The following DAPK1 variants were observed in gnomAD, a reference collection of about 807,000 sequenced individuals.
DAPK1 encodes death-associated protein kinase 1.
DAPK1 carries 56 observed loss-of-function variants against 144.9 expected under a neutral mutation model. That is an observed-to-expected ratio of 0.39 (90% confidence interval 0.31 to 0.48). DAPK1 has a LOEUF of 0.48. Among genes scored for constraint, DAPK1 ranks in the 20% least tolerant of loss-of-function variants. The pLI is 0.95. For synonymous variants in DAPK1, 690 were observed against 749.0 expected (o/e 0.92, Z 1.29); for missense variants, 1,454 against 1,875.4 (o/e 0.78, Z 4.15).
At chr9:87,606,675 T>C (rs1587763032) in intron 3 of DAPK1, among the ~76,000 whole-genome samples, 2 of 89,208 alleles carry the variant, frequency 2.2e-5, no homozygotes, top group African/African-American at 4.3e-5. Flanking sequence ...TCCCTCTCTC[T>C]CCCTGTCCCT....
chr9:87,519,581 C>T lies in DAPK1; in HGVS notation c.62+20442C>T, dbSNP rs968562738. On this transcript the variant is annotated intron_variant, in intron 2 of 25. Coordinates refer to ENST00000408954, the MANE Select transcript of DAPK1 (RefSeq NM_004938.4). Reference sequence around the variant, plus strand: ...GGGCTGTCACGTGACCAGTGGCCCGCTCTGTCTGCTGCCCAGTACTGCCAA... The same window carrying T: ...GGGCTGTCACGTGACCAGTGGCCCGTTCTGTCTGCTGCCCAGTACTGCCAA... 3.9e-5 allele frequency among the ~76,000 whole-genome samples: 6 copies of T among 152,292 alleles called. No individual in the cohort carries two copies. In the South Asian group the frequency reaches 1.2e-3, roughly 32 times the overall value.
At chr9:87,610,029 G>C (rs1365888294) in intron 3 of DAPK1, among the ~76,000 whole-genome samples, 1 of 152,252 alleles carries the variant, frequency 6.6e-6, no homozygotes, top group East Asian at 1.9e-4. Flanking sequence ...GACCCAAAAA[G>C]GTATCTTTGC....
intron 19 of DAPK1, among the ~76,000 whole-genome samples, chr9:87,678,733 A>AG (rs1039800653): frequency 2.0e-5 from 3 of 152,186 alleles, no homozygotes; most frequent in African/African-American, 7.2e-5. Context: ...CAGGGGACCC[A>AG]GGAGAATTCT....
chr9:87,604,275 T>G (rs1157008271), intron 2 of DAPK1, among the ~76,000 whole-genome samples: 2 of 151,904 alleles, frequency 1.3e-5, no homozygotes, highest in Non-Finnish European at 2.9e-5. Flanking sequence ...GAGAATGGAG[T>G]GGACTGATTG....
intron 2 of DAPK1, among the ~76,000 whole-genome samples, chr9:87,556,443 T>C (rs541154812): frequency 1.3e-5 from 2 of 152,376 alleles, no homozygotes; most frequent in Admixed American, 1.3e-4. Context: ...TTCCTTTTGC[T>C]GTCTTTGAAT....
At chr9:87,667,334 G>A (rs10115182) in intron 18 of DAPK1, among the ~76,000 whole-genome samples, 10,419 of 152,184 alleles carry the variant, frequency 0.068, 1,103 homozygotes, top group African/African-American at 0.23. Context: ...GGCTTCAACC[G>A]GCAGCCTAAG....
intron 3 of DAPK1, among the ~76,000 whole-genome samples, chr9:87,606,210 C>T (rs371448548): frequency 6.6e-6 from 1 of 152,146 alleles, no homozygotes; most frequent in Admixed American, 6.5e-5. Context: ...CAGGCCAGCT[C>T]CCAGGCGCCA....
rs185876788 is a variant in DAPK1 at position 87,514,468 on chromosome 9, G to A, written c.62+15329G>A. 1.9e-4 allele frequency among the ~76,000 whole-genome samples: 29 copies of A among 152,304 alleles called. No individual in the cohort carries two copies. The East Asian group carries it at 5.6e-3, about 29-fold the overall frequency. Reference sequence around the variant, plus strand: ...TCACTTTTCCCTCTCCATTCAAATAGCCACTGCAATTCCATACCTATTTGT... The same window carrying A: ...TCACTTTTCCCTCTCCATTCAAATAACCACTGCAATTCCATACCTATTTGT... On this transcript the variant is annotated intron_variant, in intron 2 of 25. Transcript: ENST00000408954.
At chr9:87,692,241 CT>C (rs33982268) in intron 21 of DAPK1, among the ~76,000 whole-genome samples, 44,489 of 147,972 alleles carry the variant, frequency 0.3, 8,189 homozygotes, top group East Asian at 0.58. Flanking sequence ...TAATGACCTT[CT>C]TTTTTTTTTT....
chr9:87,530,206 C>A (rs953402765), intron 2 of DAPK1, among the ~76,000 whole-genome samples: 2 of 152,088 alleles, frequency 1.3e-5, no homozygotes, highest in Non-Finnish European at 2.9e-5. Flanking sequence ...CACTATTTTC[C>A]AGAATGTGAG....
At chr9:87,522,316 G>T (rs1825328589) in intron 2 of DAPK1, among the ~76,000 whole-genome samples, 1 of 152,304 alleles carries the variant, frequency 6.6e-6, no homozygotes, top group Middle Eastern at 3.4e-3. Flanking sequence ...CCAGTGACTA[G>T]TTCCTTCTAG....
At chr9:87,569,565 G>T (rs573531389) in intron 2 of DAPK1, among the ~76,000 whole-genome samples, 1 of 152,284 alleles carries the variant, frequency 6.6e-6, no homozygotes, top group East Asian at 1.9e-4. Context: ...GTCAGTTTAG[G>T]CTCAAAACGT....
At chr9:87,678,541 A>G (rs1824491061) in intron 19 of DAPK1, among the ~76,000 whole-genome samples, 1 of 152,242 alleles carries the variant, frequency 6.6e-6, no homozygotes, top group Non-Finnish European at 1.5e-5. Context: ...GATAAAAGGA[A>G]AAAAGCAAAG....
At chr9:87,695,711 T>G (rs908698129) in intron 21 of DAPK1, among the ~76,000 whole-genome samples, 3 of 152,184 alleles carry the variant, frequency 2.0e-5, no homozygotes, top group African/African-American at 7.2e-5. Flanking sequence ...GCTTCTTGCT[T>G]CTTCTGAGCA....
intron 2 of DAPK1, among the ~76,000 whole-genome samples, chr9:87,566,161 C>T (rs1827114860): frequency 6.6e-6 from 1 of 151,982 alleles, no homozygotes; most frequent in East Asian, 1.9e-4. Flanking sequence ...GCTGGGACTA[C>T]AGTCGCCCGC....
At chr9:87,589,327 G>A (rs988067306) in intron 2 of DAPK1, among the ~76,000 whole-genome samples, 4 of 152,048 alleles carry the variant, frequency 2.6e-5, no homozygotes, top group Admixed American at 6.6e-5. Flanking sequence ...CCACCTTTCC[G>A]ATATGGACAG....
chr9:87,654,924 A>C (rs36214391), intron 17 of DAPK1, among the ~76,000 whole-genome samples: 8,026 of 152,196 alleles, frequency 0.053, 728 homozygotes, highest in African/African-American at 0.18. Flanking sequence ...ACTCTTCAAA[A>C]AATCCACAAG....
At chr9:87,672,018 G>C (rs896867268) in intron 19 of DAPK1, among the ~76,000 whole-genome samples, 3 of 152,228 alleles carry the variant, frequency 2.0e-5, no homozygotes, top group Admixed American at 6.5e-5. Context: ...CAACAGCTCT[G>C]TGCCTCAGTG....
intron 19 of DAPK1, among the ~76,000 whole-genome samples, chr9:87,676,621 G>A (rs1465664438): frequency 2.0e-5 from 3 of 152,210 alleles, no homozygotes; most frequent in East Asian, 1.9e-4. Flanking sequence ...CTAGATCAGC[G>A]CAGTTTCCTG....
Sources: allele counts gnomAD v4.1 joint callset (sites outside exome capture counted in the v4.1 genomes callset), GRCh38; gene constraint gnomAD v4.1.1; transcripts MANE v1.5; gene names NCBI Gene and HGNC (gene_info 2026-07-23, HGNC 2026-07-21).